The following OXR1 variants were observed in gnomAD, a reference collection of about 807,000 sequenced individuals.
The protein encoded by OXR1 is oxidation resistance protein 1.
Under a neutral mutation model 104.6 loss-of-function variants are expected in OXR1, and 41 were observed. The observed-to-expected ratio is 0.39, with a 90% confidence interval of 0.31 to 0.51. The LOEUF (loss-of-function observed/expected upper bound fraction) is 0.51, where lower values mean the gene tolerates loss of function less well. Among genes scored for constraint, OXR1 ranks in the 20% least tolerant of loss-of-function variants. The pLI, the probability that OXR1 is intolerant of heterozygous loss-of-function variation, is 0.77. For synonymous variants in OXR1, 348 were observed against 348.4 expected (o/e 1.00, Z 0.01); for missense variants, 955 against 1,031.9 (o/e 0.93, Z 1.02).
intron 11 of OXR1, among the ~76,000 whole-genome samples, chr8:106,725,462 GTTTATA>G (rs1400853803): frequency 3.9e-5 from 6 of 152,236 alleles, no homozygotes; most frequent in Non-Finnish European, 8.8e-5. Flanking sequence ...TGTATTTGTA[GTTTATA>G]TTTAATCTTT....
intron 3 of OXR1, among the ~76,000 whole-genome samples, chr8:106,636,549 G>C (rs1823156238): frequency 6.6e-6 from 1 of 152,156 alleles, no homozygotes; most frequent in Non-Finnish European, 1.5e-5. Flanking sequence ...TGCCTGACTG[G>C]TTTAGTAGAT....
chr8:106,295,106 C>T (rs547689259), intron 1 of OXR1, among the ~76,000 whole-genome samples: 2 of 152,254 alleles, frequency 1.3e-5, no homozygotes, highest in South Asian at 2.1e-4. Flanking sequence ...GTGATGTGAT[C>T]TTAATTTCAA....
chr8:106,398,449 G>A (rs1468104146), intron 2 of OXR1, among the ~76,000 whole-genome samples: 1 of 152,136 alleles, frequency 6.6e-6, no homozygotes, highest in Non-Finnish European at 1.5e-5. Context: ...CACTCAAGGA[G>A]AAAGAACGAG....
intron 11 of OXR1, among the ~76,000 whole-genome samples, chr8:106,734,560 C>G (rs560524629): frequency 2.6e-5 from 4 of 152,214 alleles, no homozygotes; most frequent in African/African-American, 9.6e-5. Context: ...TTGGAGTAAT[C>G]TTGGGGAAAC....
intron 11 of OXR1, chr8:106,729,755 T>A (rs1335193180): frequency 6.6e-6 from 1 of 152,146 alleles, no homozygotes; most frequent in Non-Finnish European, 1.5e-5. Context: ...TTAAAGAAAT[T>A]TAATAGCATA....
intron 2 of OXR1, chr8:106,448,029 A>G (rs1328262665): frequency 6.5e-7 from 1 of 1,535,826 alleles, no homozygotes; most frequent in Non-Finnish European, 8.7e-7. Flanking sequence ...AGAAATGACG[A>G]AGGACAAAAA....
intron 3 of OXR1, among the ~76,000 whole-genome samples, chr8:106,551,860 A>ATGTGTGTGTGTGTGTGTGTGTGTG (rs71307068): frequency 2.4e-5 from 3 of 126,576 alleles, no homozygotes; most frequent in African/African-American, 8.9e-5. Flanking sequence ...GTGTATATAT[A>ATGTGTGTGTGTGTGTGTGTGTGTG]TGTGTGTGTG....
At chr8:106,736,100 C>T (rs554385194) in intron 11 of OXR1, among the ~76,000 whole-genome samples, 1 of 152,020 alleles carries the variant, frequency 6.6e-6, no homozygotes, top group Non-Finnish European at 1.5e-5. Context: ...TTGATATGCA[C>T]TTTTACTATT....
chr8:106,283,669 G>T (rs1287035194), intron 1 of OXR1, among the ~76,000 whole-genome samples: 4 of 152,124 alleles, frequency 2.6e-5, no homozygotes, highest in African/African-American at 9.7e-5. Context: ...CTCATGAGTC[G>T]TATTTACAAT....
chr8:106,579,441 G>A (rs908923872), intron 3 of OXR1, among the ~76,000 whole-genome samples: 1 of 152,160 alleles, frequency 6.6e-6, no homozygotes, highest in African/African-American at 2.4e-5. Flanking sequence ...TAAATAAAAT[G>A]AGCTAGAAAG....
chr8:106,391,699 C>T (rs1563751411), intron 2 of OXR1, among the ~76,000 whole-genome samples: 1 of 151,804 alleles, frequency 6.6e-6, no homozygotes, highest in Admixed American at 6.6e-5. Context: ...TTTTTTAAAT[C>T]TTAGCATACA....
chr8:106,726,516 T>G (rs951769724), intron 11 of OXR1, among the ~76,000 whole-genome samples: 7 of 152,222 alleles, frequency 4.6e-5, no homozygotes, highest in Admixed American at 2.6e-4. Flanking sequence ...GTAATTTTGT[T>G]TCATATTAAG....
intron 1 of OXR1, among the ~76,000 whole-genome samples, chr8:106,316,721 T>TATCTATC (rs1563713940): frequency 0.075 from 2,580 of 34,452 alleles, 27 homozygotes; most frequent in Admixed American, 0.11. Flanking sequence ...ATCTATCATC[T>TATCTATC]ATCTATCTAT....
At chr8:106,444,424 C>T (rs980140074) in intron 2 of OXR1, among the ~76,000 whole-genome samples, 6 of 152,136 alleles carry the variant, frequency 3.9e-5, no homozygotes, top group African/African-American at 1.4e-4. Flanking sequence ...ATATCAAAGA[C>T]ATGGAACCAA....
chr8:106,679,801 T>C (rs999928719), intron 4 of OXR1, among the ~76,000 whole-genome samples: 5 of 151,944 alleles, frequency 3.3e-5, no homozygotes, highest in African/African-American at 1.2e-4. Context: ...CTTCAAATCT[T>C]CCTGCAGTCA....
intron 3 of OXR1, among the ~76,000 whole-genome samples, chr8:106,587,955 A>AT (rs35772022): frequency 0.17 from 24,606 of 145,238 alleles, 2,186 homozygotes; most frequent in East Asian, 0.37. Flanking sequence ...AATATAAACA[A>AT]TTTTTTTTTT....
At chr8:106,278,734 A>T (rs1812162336) in intron 1 of OXR1, among the ~76,000 whole-genome samples, 1 of 152,214 alleles carries the variant, frequency 6.6e-6, no homozygotes, top group African/African-American at 2.4e-5. Flanking sequence ...AACAGCCATG[A>T]TAAATGGCTT....
At chr8:106,560,473 T>A (rs896566105) in intron 3 of OXR1, among the ~76,000 whole-genome samples, 1 of 152,182 alleles carries the variant, frequency 6.6e-6, no homozygotes, top group Non-Finnish European at 1.5e-5. Flanking sequence ...GAAGCAGACA[T>A]CCAGATGTAG....
At chr8:106,489,405 G>T (rs1328540845) in intron 2 of OXR1, among the ~76,000 whole-genome samples, 3 of 152,156 alleles carry the variant, frequency 2.0e-5, no homozygotes, top group African/African-American at 4.8e-5. Flanking sequence ...TTGAGCAATT[G>T]CCAGGAAAGC....
Sources: gnomAD v4.1 joint callset for allele counts (sites outside exome capture counted in the v4.1 genomes callset) on GRCh38, gnomAD v4.1.1 for gene constraint, MANE v1.5 for transcripts, NCBI Gene and HGNC (gene_info 2026-07-23, HGNC 2026-07-21) for gene names.